The following NEURL1 variants were observed in gnomAD, a reference collection of about 807,000 sequenced individuals.
The protein encoded by NEURL1 is neuralized E3 ubiquitin protein ligase 1, also known as E3 ubiquitin-protein ligase NEURL1.
Under a neutral mutation model 41.2 loss-of-function variants are expected in NEURL1, and 26 were observed. The ratio of observed to expected loss-of-function variants is 0.63; its 90% confidence interval spans 0.46 to 0.87. NEURL1 has a LOEUF of 0.87. Among genes scored for constraint, NEURL1 ranks in the 40% least tolerant of loss-of-function variants. NEURL1 has a pLI of 0.00. For missense variants in NEURL1, 761 were observed against 871.1 expected, an observed-to-expected ratio of 0.87 and a Z score of 1.59; for synonymous variants, 400 against 402.3, an observed-to-expected ratio of 0.99 and a Z score of 0.07.
intron 1 of NEURL1, among the ~76,000 whole-genome samples, chr10:103,544,585 A>G (rs1344507794): frequency 6.6e-6 from 1 of 152,236 alleles, no homozygotes; most frequent in Non-Finnish European, 1.5e-5. Flanking sequence ...AAGGTCACAC[A>G]GTGAATTATG....
At chr10:103,569,119 T>A (rs995855841) in intron 1 of NEURL1, among the ~76,000 whole-genome samples, 4 of 152,216 alleles carry the variant, frequency 2.6e-5, no homozygotes, top group African/African-American at 7.2e-5. Context: ...CTGGGCCACT[T>A]ATCTGCTTTT....
intron 4 of NEURL1, among the ~76,000 whole-genome samples, 191 bp downstream of exon 4, chr10:103,585,416 C>T (rs906585071): frequency 3.3e-5 from 5 of 152,158 alleles, no homozygotes; most frequent in Non-Finnish European, 7.3e-5. Flanking sequence ...ACCTGGGAGA[C>T]TCACCTGGGG....
chr10:103,534,615 G>T lies in NEURL1; in HGVS notation c.86-36257G>T, dbSNP rs75402224. ...ATAGGTTGTTAATGTCCTCAGTGTTGAGGGCTCTTGAGGTCCTCCTATTCT... is the reference window on the plus strand; with the variant it reads ...ATAGGTTGTTAATGTCCTCAGTGTTTAGGGCTCTTGAGGTCCTCCTATTCT... On this transcript the variant is annotated intron_variant, in intron 1 of 5. Transcript: ENST00000369780. Among the ~76,000 whole-genome samples, 588 of 152,300 alleles carry T rather than the reference G, an allele frequency of 3.9e-3. 5 individuals carry two copies. Among genetic ancestry groups the T allele is most frequent in the African/African-American group, 0.014 (571 of 41,546 alleles).
intron 1 of NEURL1, among the ~76,000 whole-genome samples, chr10:103,569,961 C>A (rs369864103): frequency 1.7e-4 from 26 of 152,320 alleles, no homozygotes; most frequent in African/African-American, 6.0e-4. Flanking sequence ...CTGGGCCTCT[C>A]CCTCTCCCTT....
At chr10:103,553,398 A>AGTGTGTGCGT (rs1456179163) in intron 1 of NEURL1, among the ~76,000 whole-genome samples, 1 of 152,104 alleles carries the variant, frequency 6.6e-6, no homozygotes, top group Admixed American at 6.6e-5. Context: ...TGTGCCAGGA[A>AGTGTGTGCGT]GTGTGTGCGT....
chr10:103,525,957 G>C (rs1483957971), intron 1 of NEURL1, among the ~76,000 whole-genome samples: 2 of 152,116 alleles, frequency 1.3e-5, no homozygotes, highest in African/African-American at 4.8e-5. Context: ...TATCATGAAG[G>C]GATGTTGAAT....
intron 1 of NEURL1, among the ~76,000 whole-genome samples, chr10:103,525,027 T>C (rs1592195787): frequency 1.3e-5 from 2 of 152,164 alleles, no homozygotes; most frequent in African/African-American, 4.8e-5. Flanking sequence ...CTTTGGGTGG[T>C]ATGGTAATGT....
chr10:103,586,795 T>C (rs569237020), intron 4 of NEURL1, among the ~76,000 whole-genome samples: 1 of 152,232 alleles, frequency 6.6e-6, no homozygotes, highest in African/African-American at 2.4e-5. Flanking sequence ...ACATCTGTAA[T>C]CCCAGCACTT....
chr10:103,507,156 C>G (rs556272531), intron 1 of NEURL1, among the ~76,000 whole-genome samples: 118 of 152,302 alleles, frequency 7.7e-4, no homozygotes, highest in African/African-American at 2.7e-3. Context: ...GTAACAAGAT[C>G]CCCAGGCTCT....
intron 4 of NEURL1, among the ~76,000 whole-genome samples, chr10:103,589,199 C>T (rs771000840): frequency 5.9e-5 from 9 of 151,912 alleles, no homozygotes; most frequent in East Asian, 1.9e-4. Context: ...TGGGGAGGGG[C>T]GGAGGTAGGT....
rs1047154390 is a variant in NEURL1 at position 103,577,288 on chromosome 10, C to T, written c.649+5466C>T. Among the ~76,000 whole-genome samples, 40 of 152,202 alleles carry T rather than the reference C, an allele frequency of 2.6e-4. 1 individual carries two copies. The highest frequency in any genetic ancestry group is 2.6e-3 in the Admixed American group (40 of 15,284). Reference sequence around the variant, plus strand: ...ACCCTCCCCTCCATTAGGAAGCTTTCCCAGACCTCCCTCATTCAAAATGAC... The same window carrying T: ...ACCCTCCCCTCCATTAGGAAGCTTTTCCAGACCTCCCTCATTCAAAATGAC... On this transcript the variant is annotated intron_variant, in intron 3 of 5. Coordinates refer to ENST00000369780, the MANE Select transcript of NEURL1 (RefSeq NM_004210.5).
At chr10:103,576,742 G>T (rs2035674879) in intron 3 of NEURL1, among the ~76,000 whole-genome samples, 1 of 152,114 alleles carries the variant, frequency 6.6e-6, no homozygotes, top group Admixed American at 6.5e-5. Flanking sequence ...GCTCCCGAGG[G>T]CTTATGCATT....
At chr10:103,577,617 A>G (rs1259548715) in intron 3 of NEURL1, 1 of 152,248 alleles carries the variant, frequency 6.6e-6, no homozygotes, top group Non-Finnish European at 1.5e-5. Context: ...GATACCCGAC[A>G]AGAGCGGGGA....
At position 103,570,949 on chromosome 10, in the gene NEURL1, A is replaced by C; in HGVS notation, c.163A>C (p.Ser55Arg). The change falls in exon 2 of 6, where the codon AGC becomes CGC. Residue 55 changes from serine (S) to arginine (R), a missense_variant. Transcript: ENST00000369780. ...GAAGCACTGTCCGGCAGTGCTGCCCAGCGGGGGGCTCCCAGCCACGCCGCT... is the reference window on the plus strand; with the variant it reads ...GAAGCACTGTCCGGCAGTGCTGCCCCGCGGGGGGCTCCCAGCCACGCCGCT... ...KQKHCPAVLP[S>R]GGLPATPLLF... The C allele has an allele frequency of 6.2e-7, 1 of 1,613,816 alleles. No homozygotes were observed. The highest frequency in any genetic ancestry group is 8.5e-7 in the Non-Finnish European group (1 of 1,179,980).
intron 1 of NEURL1, among the ~76,000 whole-genome samples, chr10:103,501,831 G>C (rs1367785353): frequency 6.6e-6 from 1 of 151,686 alleles, no homozygotes; most frequent in Admixed American, 6.6e-5. Context: ...ACAGAGTTTT[G>C]CCATGTTGGC....
At chr10:103,520,288 G>A (rs140234979) in intron 1 of NEURL1, among the ~76,000 whole-genome samples, 238 of 152,188 alleles carry the variant, frequency 1.6e-3, no homozygotes, top group African/African-American at 2.7e-3. Context: ...GGGTGCAGGC[G>A]GGCTGAGTCT....
At chr10:103,583,738 ACAAACAAAAAACCCAAAAATACAGCCTTT>A in intron 3 of NEURL1, among the ~76,000 whole-genome samples, 1 of 131,112 alleles carries the variant, frequency 7.6e-6, no homozygotes, top group Admixed American at 8.1e-5. Flanking sequence ...AAAAAGCCAA[ACAAACAAAAAACCCAAAAATACAGCCTTT>A]AAAAAGGCCA....
In NEURL1 at chr10:103,543,178, G is replaced by A. The variant is rs1268905356; in HGVS notation, c.86-27694G>A. On this transcript the variant is annotated intron_variant, in intron 1 of 5. Coordinates refer to ENST00000369780, the MANE Select transcript of NEURL1 (RefSeq NM_004210.5). Reference sequence around the variant, plus strand: ...CCTCCTCCCTGTAGTCCTGCAGTGGGGTGGCTGGGGGCAGGCAGATGCTCT... The same window carrying A: ...CCTCCTCCCTGTAGTCCTGCAGTGGAGTGGCTGGGGGCAGGCAGATGCTCT... 4.6e-5 allele frequency among the ~76,000 whole-genome samples: 7 copies of A among 152,200 alleles called. No individual in the cohort carries two copies. In the East Asian group the frequency reaches 1.3e-3, roughly 29 times the overall value.
rs1236850883 is a variant in NEURL1, at chr10:103,494,411, C to A, written c.24C>A (p.Ile8=). The A allele has an allele frequency of 1.3e-6, 2 of 1,597,482 alleles. No homozygotes were observed. Among genetic ancestry groups the A allele is most frequent in the African/African-American group, 1.3e-5 (1 of 74,372 alleles). MGNNFSS[I]PSLPRGNPSR... is the part of the protein sequence containing the mutation. ...CCATGGGTAACAACTTCTCCAGTAT[C>A]CCCTCGCTGCCCCGAGGAAACCCGA... The change falls in exon 1 of 6, where the codon ATC becomes ATA. Residue 8 remains isoleucine, a synonymous_variant. Coordinates refer to ENST00000369780, the MANE Select transcript of NEURL1 (RefSeq NM_004210.5).
Sources: gnomAD v4.1 joint callset for allele counts (sites outside exome capture counted in the v4.1 genomes callset) on GRCh38, gnomAD v4.1.1 for gene constraint, MANE v1.5 for transcripts, NCBI Gene and HGNC (gene_info 2026-07-23, HGNC 2026-07-21) for gene names.